The following PTPRT variants were observed in gnomAD, a reference collection of about 807,000 sequenced individuals.
PTPRT encodes protein tyrosine phosphatase receptor type T, also known as receptor-type tyrosine-protein phosphatase T.
In PTPRT, 56 loss-of-function variants were observed where a neutral mutation model predicts 176.8. The ratio of observed to expected loss-of-function variants is 0.32; its 90% CI spans 0.26 to 0.40. PTPRT has a LOEUF of 0.40. Among genes scored for constraint, PTPRT ranks in the 10% least tolerant of loss-of-function variants. The pLI is 1.00. For synonymous variants in PTPRT, 783 were observed against 739.0 expected, an observed-to-expected ratio of 1.06 and a Z score of -0.96; for missense variants, 1,540 against 1,908.2, an observed-to-expected ratio of 0.81 and a Z score of 3.60.
intron 7 of PTPRT, among the ~76,000 whole-genome samples, chr20:42,672,421 G>A (rs2075429236): frequency 6.6e-6 from 1 of 152,146 alleles, no homozygotes; most frequent in Non-Finnish European, 1.5e-5. Context: ...ACCTCACCTT[G>A]TGATCGTGTG....
chr20:42,441,849 T>C (rs2077190663), intron 9 of PTPRT, among the ~76,000 whole-genome samples: 1 of 152,240 alleles, frequency 6.6e-6, no homozygotes, highest in Non-Finnish European at 1.5e-5. Flanking sequence ...CGAGTTATAC[T>C]CAATAGCGGC....
chr20:43,054,727 T>C (rs1292398148), intron 1 of PTPRT, among the ~76,000 whole-genome samples: 1 of 152,162 alleles, frequency 6.6e-6, no homozygotes, highest in Non-Finnish European at 1.5e-5. Context: ...CTGTAGTCCC[T>C]GACAGCACCT....
intron 1 of PTPRT, among the ~76,000 whole-genome samples, chr20:43,010,730 A>G (rs893440179): frequency 8.6e-5 from 7 of 81,460 alleles, no homozygotes; most frequent in East Asian, 2.4e-4. Context: ...CACTTGCAAG[A>G]AAAAAAAAAA....
rs1274559700 is a variant in PTPRT, at chr20:42,519,430, A to G, written c.1154-46868T>C. ...GTATGAAGGTGCAATGAACACTCAC[A>G]TGCAAGCTTCTGCATAAACACTGCT... On this transcript the variant is annotated intron_variant, in intron 7 of 30. Coordinates refer to ENST00000373187, the MANE Select transcript of PTPRT (RefSeq NM_007050.6). Among the ~76,000 whole-genome samples the G allele has an allele frequency of 3.9e-5, 6 of 152,298 alleles. No individual in the cohort carries two copies. In the East Asian group the frequency reaches 1.2e-3, roughly 29 times the overall value.
intron 1 of PTPRT, among the ~76,000 whole-genome samples, chr20:42,943,978 C>T (rs1227430367): frequency 2.0e-5 from 3 of 152,040 alleles, no homozygotes; most frequent in Non-Finnish European, 4.4e-5. Context: ...ATGATGGCAC[C>T]ACTGCACTCC....
At chr20:42,942,167 C>A (rs983921159) in intron 1 of PTPRT, among the ~76,000 whole-genome samples, 4 of 152,118 alleles carry the variant, frequency 2.6e-5, no homozygotes, top group African/African-American at 9.7e-5. Context: ...ACCCGATTCC[C>A]AAAATATCAT....
At chr20:42,465,771 T>C (rs562978060) in intron 8 of PTPRT, among the ~76,000 whole-genome samples, 19 of 152,348 alleles carry the variant, frequency 1.2e-4, no homozygotes, top group Admixed American at 5.9e-4. Flanking sequence ...GGTGTTTTTA[T>C]TTCTAATTTA....
intron 1 of PTPRT, among the ~76,000 whole-genome samples, chr20:43,174,941 G>C (rs543026961): frequency 6.6e-6 from 1 of 152,296 alleles, no homozygotes; most frequent in South Asian, 2.1e-4. Flanking sequence ...AAAGTCAGAG[G>C]CCTAGAAGTT....
intron 6 of PTPRT, among the ~76,000 whole-genome samples, chr20:42,724,762 C>T (rs192987452): frequency 2.2e-3 from 337 of 152,308 alleles, no homozygotes; most frequent in African/African-American, 7.7e-3. Context: ...CCTGCCATTA[C>T]GCTCCAGCCT....
intron 7 of PTPRT, among the ~76,000 whole-genome samples, chr20:42,673,594 AG>A: frequency 6.6e-6 from 1 of 152,154 alleles, no homozygotes; most frequent in East Asian, 1.9e-4. Flanking sequence ...GTGTCTAGTG[AG>A]GGCCCATTTC....
chr20:42,941,323 G>T (rs1400807530), intron 1 of PTPRT, among the ~76,000 whole-genome samples: 1 of 152,110 alleles, frequency 6.6e-6, no homozygotes, highest in African/African-American at 2.4e-5. Flanking sequence ...ATTAAGAGAT[G>T]TCATCAGGCA....
intron 12 of PTPRT, among the ~76,000 whole-genome samples, chr20:42,294,593 A>T (rs980679186): frequency 7.9e-5 from 12 of 152,174 alleles, no homozygotes; most frequent in African/African-American, 1.2e-4. Context: ...AATCTAAAAA[A>T]TTTTTTAAAA....
rs1569038528 is a variant in PTPRT, at chr20:42,634,028, T to TTATAATATATATATA, written c.1153+43837_1153+43838insTATATATATATTATA. On this transcript the variant is annotated intron_variant, in intron 7 of 30. Coordinates refer to ENST00000373187, the MANE Select transcript of PTPRT (RefSeq NM_007050.6). ...ATATATATAATATATATATAATATATATATTATATATATTATATATATATT... is the reference window on the plus strand; with the variant it reads ...ATATATATAATATATATATAATATATTATAATATATATATAATATTATATATATTATATATATATT... 1.4e-3 allele frequency among the ~76,000 whole-genome samples: 38 copies of TTATAATATATATATA among 27,740 alleles called. 5 individuals are homozygous for TTATAATATATATATA. The highest frequency in any genetic ancestry group is 7.2e-3 in the African/African-American group (35 of 4,834). 18.2% of individuals were successfully genotyped at this position (27,740 alleles called of 152,430 possible). A position where few individuals can be genotyped will look rare whatever the true frequency, so the allele number is the denominator to read the frequency against.
chr20:42,571,922 A>T (rs540472464), intron 7 of PTPRT, among the ~76,000 whole-genome samples: 6 of 152,280 alleles, frequency 3.9e-5, no homozygotes, highest in Non-Finnish European at 8.8e-5. Flanking sequence ...AGCCAGGAGA[A>T]TCTCATTAAC....
At chr20:42,268,786 T>C (rs1322420214) in intron 13 of PTPRT, among the ~76,000 whole-genome samples, 2 of 152,214 alleles carry the variant, frequency 1.3e-5, no homozygotes, top group Non-Finnish European at 2.9e-5. Flanking sequence ...CAGGTGTCCA[T>C]GGCAGTACAA....
chr20:42,730,754 A>T (rs2076448527), intron 6 of PTPRT, among the ~76,000 whole-genome samples: 1 of 152,214 alleles, frequency 6.6e-6, no homozygotes, highest in South Asian at 2.1e-4. Flanking sequence ...TGGAGGTGAG[A>T]GGACATGGCT....
intron 2 of PTPRT, among the ~76,000 whole-genome samples, chr20:42,839,766 G>T (rs904034705): frequency 6.6e-6 from 1 of 152,138 alleles, no homozygotes; most frequent in African/African-American, 2.4e-5. Flanking sequence ...CCTTGTTTAA[G>T]ATCTTTAATA....
At chr20:42,206,950 C>A (rs891386173) in intron 15 of PTPRT, among the ~76,000 whole-genome samples, 5 of 152,182 alleles carry the variant, frequency 3.3e-5, no homozygotes, top group Admixed American at 1.3e-4. Flanking sequence ...GATCTGAGAA[C>A]CTGCAGACTG....
At chr20:42,820,289 G>A (rs1488092045) in intron 2 of PTPRT, among the ~76,000 whole-genome samples, 5 of 152,140 alleles carry the variant, frequency 3.3e-5, no homozygotes, top group Non-Finnish European at 5.9e-5. Flanking sequence ...CAATTACATG[G>A]AAATTGAACA....
Sources: allele counts gnomAD v4.1 joint callset (sites outside exome capture counted in the v4.1 genomes callset), GRCh38; gene constraint gnomAD v4.1.1; transcripts MANE v1.5; gene names NCBI Gene and HGNC (gene_info 2026-07-23, HGNC 2026-07-21).